LRRC37A2: variants seen among roughly 807,000 people sequenced by gnomAD.
LRRC37A2 encodes the protein leucine-rich repeat-containing protein 37A2.
Under a neutral mutation model 68.8 loss-of-function variants are expected in LRRC37A2, and 9 were observed. The observed-to-expected ratio is 0.13, with a 90% CI of 0.08 to 0.23. The LOEUF is 0.23. Ranked by LOEUF, LRRC37A2 falls within the 10% of genes least tolerant of loss-of-function variation. The pLI is 1.00. For synonymous variants in LRRC37A2, 63 were observed against 367.6 expected, an observed-to-expected ratio of 0.17 and a Z score of 9.48; for missense variants, 168 against 950.4, an observed-to-expected ratio of 0.18 and a Z score of 10.82.
the LRRC37A2 span, among the ~76,000 whole-genome samples, chr17:46,491,770 A>G: frequency 6.8e-6 from 1 of 146,670 alleles, no homozygotes; most frequent in Middle Eastern, 3.5e-3. Flanking sequence ...AAAATCAGAT[A>G]TGGCTATTAT....
the LRRC37A2 span, chr17:46,874,877 C>T: frequency 1.4e-6 from 1 of 692,156 alleles, no homozygotes; most frequent in Non-Finnish European, 2.5e-6. Flanking sequence ...TGTGCCCAGC[C>T]TGGAAGTTCC....
chr17:46,882,044 G>A, the LRRC37A2 span, among the ~76,000 whole-genome samples: 1 of 152,230 alleles, frequency 6.6e-6, no homozygotes, highest in African/African-American at 2.4e-5. Flanking sequence ...TAATCCCAGC[G>A]ATTGGAGAGG....
chr17:46,708,822 A>ATTTTTTTT, the LRRC37A2 span, among the ~76,000 whole-genome samples: 1 of 108,902 alleles, frequency 9.2e-6, no homozygotes, highest in African/African-American at 3.8e-5. Flanking sequence ...ATATATATAT[A>ATTTTTTTT]TTTTTTTTTT....
At chr17:46,988,505 G>A in the LRRC37A2 span, among the ~76,000 whole-genome samples, 1 of 152,174 alleles carries the variant, frequency 6.6e-6, no homozygotes, top group African/African-American at 2.4e-5. Flanking sequence ...TTTTTAAAAA[G>A]GCAATGATGC....
At chr17:46,940,647 C>A in the LRRC37A2 span, 1 of 1,613,758 alleles carries the variant, frequency 6.2e-7, no homozygotes, top group South Asian at 1.1e-5. Flanking sequence ...AGGCAGAAGT[C>A]CCCGCACCCA....
At chr17:47,033,662 C>T in the LRRC37A2 span, among the ~76,000 whole-genome samples, 1 of 152,158 alleles carries the variant, frequency 6.6e-6, no homozygotes, top group Admixed American at 6.5e-5. Flanking sequence ...TCTCTCTCTC[C>T]TCAGTTAATA....
the LRRC37A2 span, among the ~76,000 whole-genome samples, chr17:46,983,319 C>T: frequency 0.72 from 93,830 of 130,320 alleles, 33,594 homozygotes; most frequent in Middle Eastern, 0.81. Context: ...TTTTTTGAGA[C>T]GGAGTCTCGC....
chr17:47,041,410 G>T, the LRRC37A2 span, among the ~76,000 whole-genome samples: 1 of 51,972 alleles, frequency 1.9e-5, no homozygotes, highest in African/African-American at 9.0e-5. Flanking sequence ...CCCTTTTCTT[G>T]GTGTTTGTTG....
the LRRC37A2 span, among the ~76,000 whole-genome samples, chr17:46,981,714 ATTTTTATTTTGAGACAGGATCTCGC>A: frequency 1.3e-5 from 2 of 152,016 alleles, no homozygotes; most frequent in Admixed American, 1.3e-4. Context: ...TTATTTATTT[ATTTTTATTTTGAGACAGGATCTCGC>A]TCTGTTGCCC....
the LRRC37A2 span, among the ~76,000 whole-genome samples, chr17:46,925,211 G>T: frequency 5.3e-5 from 8 of 152,250 alleles, no homozygotes; most frequent in South Asian, 1.7e-3. Context: ...TGTTATATTG[G>T]GAAAACAGCC....
the LRRC37A2 span, among the ~76,000 whole-genome samples, chr17:46,974,990 T>TTTC: frequency 7.7e-5 from 1 of 12,992 alleles, no homozygotes; most frequent in Non-Finnish European, 3.5e-4. Flanking sequence ...CTATTTTCTT[T>TTTC]TTTTTTTTTT....
At chr17:46,595,492 CT>C in the LRRC37A2 span, among the ~76,000 whole-genome samples, 69 of 96,048 alleles carry the variant, frequency 7.2e-4, no homozygotes, top group Admixed American at 1.0e-3. Context: ...ATCACTGGAT[CT>C]TTTTTTTTTT....
At chr17:46,976,376 TAATAAATA>T in the LRRC37A2 span, among the ~76,000 whole-genome samples, 1 of 151,216 alleles carries the variant, frequency 6.6e-6, no homozygotes, top group African/African-American at 2.4e-5. Context: ...CTACTAAAAA[TAATAAATA>T]AATAAATAAA....
the LRRC37A2 span, among the ~76,000 whole-genome samples, chr17:46,733,496 C>G: frequency 6.6e-6 from 1 of 152,320 alleles, no homozygotes; most frequent in East Asian, 1.9e-4. Context: ...CACTTTTGTG[C>G]ATCAAATTGG....
the LRRC37A2 span, chr17:46,876,176 G>T: frequency 1.4e-6 from 2 of 1,438,066 alleles, no homozygotes; most frequent in East Asian, 4.9e-5. Flanking sequence ...TGGGGTTGGT[G>T]CTCTGGGGGC....
chr17:46,920,912 T>C, the LRRC37A2 span, among the ~76,000 whole-genome samples: 2 of 152,102 alleles, frequency 1.3e-5, no homozygotes, highest in African/African-American at 2.4e-5. Flanking sequence ...AAAATAGCCA[T>C]ATCCCCATGA....
the LRRC37A2 span, among the ~76,000 whole-genome samples, chr17:46,685,428 G>T: frequency 6.6e-6 from 1 of 151,782 alleles, no homozygotes; most frequent in African/African-American, 2.4e-5. Context: ...ACATAATAAA[G>T]AAAAACATCA....
the LRRC37A2 span, among the ~76,000 whole-genome samples, chr17:46,466,862 A>ATAT: frequency 9.7e-6 from 1 of 103,100 alleles, no homozygotes; most frequent in Admixed American, 9.3e-5. Context: ...CAAAACAGAT[A>ATAT]TATAGACCAA....
At chr17:46,961,694 AC>A in the LRRC37A2 span, among the ~76,000 whole-genome samples, 2 of 152,228 alleles carry the variant, frequency 1.3e-5, no homozygotes, top group African/African-American at 4.8e-5. Context: ...TATGATGTGT[AC>A]CTAAAATATA....
Sources: gnomAD v4.1 joint callset for allele counts (sites outside exome capture counted in the v4.1 genomes callset) on GRCh38, gnomAD v4.1.1 for gene constraint, MANE v1.5 for transcripts, NCBI Gene and HGNC (gene_info 2026-07-23, HGNC 2026-07-21) for gene names.